Variants in DLGAP1 observed in about 807,000 individuals in gnomAD.
The protein encoded by DLGAP1 is DLG associated protein 1, also known as disks large-associated protein 1.
Under a neutral mutation model 90.8 loss-of-function variants are expected in DLGAP1, and 11 were observed. That is an observed-to-expected ratio of 0.12 (90% CI 0.08 to 0.20). The LOEUF is 0.20. Among genes scored for constraint, DLGAP1 ranks in the 10% least tolerant of loss-of-function variants. DLGAP1 has a pLI of 1.00. For missense variants in DLGAP1, 1,050 were observed against 1,333.8 expected (o/e 0.79, Z 3.31); for synonymous variants, 558 against 540.7 (o/e 1.03, Z -0.44).
chr18:4,209,501 G>C (rs2077796019), intron 1 of DLGAP1, among the ~76,000 whole-genome samples: 2 of 152,078 alleles, frequency 1.3e-5, no homozygotes, highest in African/African-American at 4.8e-5. Context: ...TTGAGTCATT[G>C]AAACGGATAC....
At chr18:3,545,664 C>T (rs564481137) in intron 9 of DLGAP1, among the ~76,000 whole-genome samples, 1 of 152,202 alleles carries the variant, frequency 6.6e-6, no homozygotes, top group South Asian at 2.1e-4. Flanking sequence ...CGAGACCAGC[C>T]TGGCCAACAT....
At chr18:3,751,915 A>G (rs370455935) in intron 5 of DLGAP1, among the ~76,000 whole-genome samples, 6 of 133,864 alleles carry the variant, frequency 4.5e-5, no homozygotes, top group African/African-American at 1.7e-4. Flanking sequence ...ATGCAGTCTT[A>G]CTCTGTCACC....
chr18:3,561,946 TA>T (rs1280285411), intron 9 of DLGAP1, among the ~76,000 whole-genome samples: 4 of 150,392 alleles, frequency 2.7e-5, no homozygotes, highest in African/African-American at 1.0e-4. Flanking sequence ...GAGAAGAGGG[TA>T]ACCGGGCACT....
chr18:4,251,482 C>G (rs1233844503), intron 1 of DLGAP1, among the ~76,000 whole-genome samples: 1 of 152,176 alleles, frequency 6.6e-6, no homozygotes, highest in Non-Finnish European at 1.5e-5. Flanking sequence ...CAACAATCTC[C>G]TTGGAGAGTT....
chr18:3,843,973 T>A, intron 4 of DLGAP1, among the ~76,000 whole-genome samples: 1 of 152,312 alleles, frequency 6.6e-6, no homozygotes, highest in Non-Finnish European at 1.5e-5. Flanking sequence ...ATCCTGTTTA[T>A]ACTTCTAGGA....
At chr18:3,823,681 A>T (rs2067545279) in intron 4 of DLGAP1, among the ~76,000 whole-genome samples, 1 of 152,064 alleles carries the variant, frequency 6.6e-6, no homozygotes, top group Non-Finnish European at 1.5e-5. Flanking sequence ...ACAAGTACTG[A>T]GTGTTAGATG....
At chr18:3,861,330 A>G (rs183379631) in intron 4 of DLGAP1, among the ~76,000 whole-genome samples, 1 of 152,208 alleles carries the variant, frequency 6.6e-6, no homozygotes, top group East Asian at 1.9e-4. Flanking sequence ...ATAAACTGTC[A>G]TCATAAGGAA....
intron 8 of DLGAP1, among the ~76,000 whole-genome samples, chr18:3,576,292 C>T (rs1333973858): frequency 2.0e-5 from 3 of 150,504 alleles, no homozygotes; most frequent in Admixed American, 1.3e-4. Context: ...CGGAGTCTTG[C>T]TCTGTCGCCC....
At chr18:4,224,277 T>C (rs886392950) in intron 1 of DLGAP1, among the ~76,000 whole-genome samples, 40 of 152,184 alleles carry the variant, frequency 2.6e-4, no homozygotes, top group African/African-American at 8.4e-4. Context: ...ACCAACTGTT[T>C]CACAGCTGTC....
chr18:4,401,664 T>A (rs1379155155), intron 1 of DLGAP1, among the ~76,000 whole-genome samples: 1 of 152,186 alleles, frequency 6.6e-6, no homozygotes, highest in Non-Finnish European at 1.5e-5. Flanking sequence ...AAAATGTAGG[T>A]TGAACTTTTA....
chr18:4,425,528 G>T (rs1175341980), intron 1 of DLGAP1, among the ~76,000 whole-genome samples: 1 of 152,190 alleles, frequency 6.6e-6, no homozygotes, highest in Non-Finnish European at 1.5e-5. Context: ...TAAAGACCCA[G>T]AGTTTAGTCA....
rs190848460 is a variant in DLGAP1 at position 3,663,917 on chromosome 18, C to G, written c.1591+65218G>C. On this transcript the variant is annotated intron_variant, in intron 7 of 12. Coordinates refer to ENST00000315677, the MANE Select transcript of DLGAP1 (RefSeq NM_004746.4). ...TCATTGAGTACAGCAGACTTCCCTT[C>G]CTAAGGTGGGTGGGTCTTGTCCAAT... Among the ~76,000 whole-genome samples, 4 of 152,252 alleles carry G rather than the reference C, an allele frequency of 2.6e-5. No homozygotes were observed. The East Asian group carries it at 7.7e-4, about 29-fold the overall frequency.
chr18:3,508,094 G>A (rs570851822), intron 11 of DLGAP1, among the ~76,000 whole-genome samples: 1 of 151,982 alleles, frequency 6.6e-6, no homozygotes, highest in South Asian at 2.1e-4. Context: ...GTTTCAAGAA[G>A]ATCAAATCTA....
chr18:3,635,443 TG>T, intron 7 of DLGAP1, among the ~76,000 whole-genome samples: 2 of 151,472 alleles, frequency 1.3e-5, no homozygotes, highest in Admixed American at 6.6e-5. Context: ...CCGGCCTGTC[TG>T]TCCCATTTTT....
At chr18:3,855,478 A>T (rs142287198) in intron 4 of DLGAP1, among the ~76,000 whole-genome samples, 121 of 152,350 alleles carry the variant, frequency 7.9e-4, no homozygotes, top group African/African-American at 2.7e-3. Context: ...CGATGGTGGA[A>T]AAATGAAGAC....
At chr18:4,025,273 G>A (rs1599344481) in intron 2 of DLGAP1, among the ~76,000 whole-genome samples, 1 of 151,948 alleles carries the variant, frequency 6.6e-6, no homozygotes, top group Admixed American at 6.6e-5. Context: ...GCTATTACAG[G>A]TTGAGTATCC....
chr18:3,629,397 C>T (rs192208519), intron 7 of DLGAP1, among the ~76,000 whole-genome samples: 193 of 152,104 alleles, frequency 1.3e-3, no homozygotes, highest in African/African-American at 4.3e-3. Context: ...ATAGGCTGGG[C>T]GCGGTGGCTC....
At chr18:4,112,116 T>C (rs2075985093) in intron 2 of DLGAP1, among the ~76,000 whole-genome samples, 1 of 152,066 alleles carries the variant, frequency 6.6e-6, no homozygotes, top group African/African-American at 2.4e-5. Context: ...TCCATACATT[T>C]TGGTACGTTG....
rs186606341 is a variant in DLGAP1, at chr18:4,421,457, G to A, written c.-267+33549C>T. On this transcript the variant is annotated intron_variant, in intron 1 of 12. Coordinates refer to ENST00000315677, the MANE Select transcript of DLGAP1 (RefSeq NM_004746.4). ...ATATAAGGTAATGTTCACTCTTGCC[G>A]TACGAGTTGCTATTGACAAGTTCCA... is the stretch of plus-strand genomic sequence containing the variant. 1.9e-4 allele frequency among the ~76,000 whole-genome samples: 29 copies of A among 152,110 alleles called. 1 individual carries two copies. Among genetic ancestry groups the A allele is most frequent in the Admixed American group, 1.1e-3 (17 of 15,266 alleles).
Sources: allele counts gnomAD v4.1 joint callset (sites outside exome capture counted in the v4.1 genomes callset), GRCh38; gene constraint gnomAD v4.1.1; transcripts MANE v1.5; gene names NCBI Gene and HGNC (gene_info 2026-07-23, HGNC 2026-07-21).